The following TENT5D variants were observed in gnomAD, a reference collection of about 807,000 sequenced individuals.
The protein encoded by TENT5D is terminal nucleotidyltransferase 5D, also known as cancer/testis antigen 112.
For missense variants in TENT5D, 191 were observed against 287.0 expected (o/e 0.67, Z 2.42); for synonymous variants, 103 against 100.6 (o/e 1.02, Z -0.15).
chrX:80,440,428 A>G (rs767650328), intron 2 of TENT5D, among the ~76,000 whole-genome samples: 1 of 110,727 alleles, frequency 9.0e-6, no homozygotes, highest in East Asian at 2.8e-4. Flanking sequence ...GGTTTGAAGG[A>G]TATCTCTTGA....
rs189067447 is a variant in TENT5D at position 80,383,755 on chromosome X, C to A, written c.-142+41191C>A. ...CCTGTAGTCCCAGCTACTCGGGAAG[C>A]TGAGGCAGGAGAATGGCGTGAACCC... is the stretch of plus-strand genomic sequence containing the variant. On this transcript the variant is annotated intron_variant, in intron 3 of 4. Coordinates refer to the TENT5D transcript ENST00000538312. 7.8e-3 allele frequency among the ~76,000 whole-genome samples: 864 copies of A among 111,169 alleles called. 9 individuals carry two copies. Among genetic ancestry groups the A allele is most frequent in the African/African-American group, 0.026 (791 of 30,552 alleles).
intron 3 of TENT5D, among the ~76,000 whole-genome samples, chrX:80,367,527 G>A (rs1930534456): frequency 9.0e-6 from 1 of 111,285 alleles, no homozygotes; most frequent in South Asian, 3.7e-4. Flanking sequence ...GTATACAGAA[G>A]GGATATCTAT....
chrX:80,399,968 G>C (rs1414570473), intron 3 of TENT5D, among the ~76,000 whole-genome samples: 1 of 111,415 alleles, frequency 9.0e-6, no homozygotes, highest in Non-Finnish European at 1.9e-5. Context: ...AGGTATTTGG[G>C]AGGGAATATA....
chrX:80,343,785 TA>T (rs779996606), intron 3 of TENT5D, among the ~76,000 whole-genome samples: 24 of 111,976 alleles, frequency 2.1e-4, no homozygotes, highest in Admixed American at 1.0e-3. Flanking sequence ...TTTAATGGTT[TA>T]TTTTTTTAAT....
chrX:80,420,143 G>A (rs988826208), upstream of TENT5D, among the ~76,000 whole-genome samples: 1 of 111,504 alleles, frequency 9.0e-6, no homozygotes, highest in African/African-American at 3.3e-5. Context: ...GTTACATGTA[G>A]GCAGTTACAA....
chrX:80,430,829 G>A (rs924003172), intron 1 of TENT5D, among the ~76,000 whole-genome samples: 6 of 111,082 alleles, frequency 5.4e-5, no homozygotes, highest in South Asian at 3.8e-4. Context: ...GAAAAGAGGC[G>A]GGGGAAAGAT....
At chrX:80,357,870 A>C (rs1319275123) in intron 3 of TENT5D, among the ~76,000 whole-genome samples, 1 of 111,889 alleles carries the variant, frequency 8.9e-6, no homozygotes, top group Non-Finnish European at 1.9e-5. Flanking sequence ...AATTCTAAGC[A>C]AAACGAACAA....
At chrX:80,415,968 G>GA (rs1191816307), upstream of TENT5D, among the ~76,000 whole-genome samples, 19 of 111,547 alleles carry the variant, frequency 1.7e-4, no homozygotes. Context: ...TTTGATTTTA[G>GA]AACTCATTAC....
chrX:80,396,486 T>C (rs2147541517), intron 3 of TENT5D, among the ~76,000 whole-genome samples: 1 of 110,050 alleles, frequency 9.1e-6, no homozygotes, highest in African/African-American at 3.3e-5. Context: ...TTAACGAGCA[T>C]GCTGCCTTCA....
rs1931066970 is a variant in TENT5D, at chrX:80,388,585, A to G, written c.-142+46021A>G. On this transcript the variant is annotated intron_variant, in intron 3 of 4. Transcript: ENST00000538312. ...GCCTCACAACTCTGCCTGCTCCCCT[A>G]TCCTACTGTGGCTGAGCTGGTGTCC... 2.7e-5 allele frequency among the ~76,000 whole-genome samples: 3 copies of G among 111,569 alleles called. No individual in the cohort carries two copies. In the South Asian group the frequency reaches 1.1e-3, roughly 42 times the overall value.
intron 1 of TENT5D, among the ~76,000 whole-genome samples, chrX:80,437,488 G>A (rs555239585): frequency 1.8e-5 from 2 of 111,446 alleles, no homozygotes; most frequent in South Asian, 7.5e-4. Flanking sequence ...TTTTATTGAA[G>A]TATACTATTC....
At chrX:80,391,541 A>G (rs1016751638) in intron 3 of TENT5D, among the ~76,000 whole-genome samples, 3 of 111,932 alleles carry the variant, frequency 2.7e-5, no homozygotes, top group African/African-American at 9.7e-5. Flanking sequence ...AAAATTCTGG[A>G]CATCTTGCTA....
chrX:80,387,166 C>T (rs1021167828), intron 3 of TENT5D, among the ~76,000 whole-genome samples: 2 of 111,982 alleles, frequency 1.8e-5, no homozygotes, highest in Admixed American at 9.5e-5. Context: ...GCAGACAGTT[C>T]CAATGTCAAA....
At chrX:80,435,306 T>A (rs1280527094) in intron 1 of TENT5D, among the ~76,000 whole-genome samples, 1 of 112,264 alleles carries the variant, frequency 8.9e-6, no homozygotes, top group Non-Finnish European at 1.9e-5. Flanking sequence ...TATTTAAATC[T>A]GTTGTGTTTG....
At chrX:80,348,328 C>T (rs1006344178) in intron 3 of TENT5D, among the ~76,000 whole-genome samples, 3 of 111,447 alleles carry the variant, frequency 2.7e-5, no homozygotes, top group African/African-American at 9.8e-5. Flanking sequence ...TTGTTTGTGT[C>T]CTCTCTTATT....
rs747633837 is a variant in TENT5D at position 80,347,287 on chromosome X, CCCA to C, written c.-142+4727_-142+4729del. On this transcript the variant is annotated intron_variant, in intron 3 of 4. Transcript: ENST00000538312. ...CACAATGGTTGAACTAATTTACACTCCCACCAACAGTGTAAAAGCATTCCTATT... is the reference window on the plus strand; with the variant it reads ...CACAATGGTTGAACTAATTTACACTCCCAACAGTGTAAAAGCATTCCTATT... 8.0e-5 allele frequency among the ~76,000 whole-genome samples: 9 copies of C among 111,819 alleles called. No homozygotes were observed. The South Asian group carries it at 1.1e-3, about 14-fold the overall frequency.
intron 3 of TENT5D, among the ~76,000 whole-genome samples, chrX:80,364,956 C>T (rs773207340): frequency 9.1e-6 from 1 of 109,467 alleles, no homozygotes; most frequent in South Asian, 3.9e-4. Flanking sequence ...CAAGGTCCTC[C>T]CTCATTTGTT....
chrX:80,360,381 A>G (rs1281350221), intron 3 of TENT5D, among the ~76,000 whole-genome samples: 3 of 112,141 alleles, frequency 2.7e-5, no homozygotes, highest in African/African-American at 9.7e-5. Flanking sequence ...CATTTAAACC[A>G]AAATAAGTGA....
At chrX:80,415,751 T>C (rs1223226594), upstream of TENT5D, among the ~76,000 whole-genome samples, 1 of 111,521 alleles carries the variant, frequency 9.0e-6, no homozygotes, top group Non-Finnish European at 1.9e-5. Flanking sequence ...TGGCCTGAAG[T>C]TTTCTTTTTT....
Sources: allele counts gnomAD v4.1 joint callset (sites outside exome capture counted in the v4.1 genomes callset), GRCh38; gene constraint gnomAD v4.1.1; transcripts MANE v1.5; gene names NCBI Gene and HGNC (gene_info 2026-07-23, HGNC 2026-07-21).